Variants in MFSD1 observed in about 807,000 individuals in gnomAD.
MFSD1 encodes lysosomal dipeptide transporter MFSD1.
A neutral mutation model predicts 67.1 loss-of-function variants in MFSD1; 59 were observed. The observed-to-expected ratio is 0.88, with a 90% CI of 0.71 to 1.09. The LOEUF (loss-of-function observed/expected upper bound fraction) is 1.09, where lower values mean the gene tolerates loss of function less well. Ranked by LOEUF, MFSD1 falls within the 50% of genes least tolerant of loss-of-function variation. The pLI is 0.00. For missense variants in MFSD1, 552 were observed against 566.1 expected (o/e 0.97, Z 0.25); for synonymous variants, 213 against 200.3 (o/e 1.06, Z -0.54).
chr3:158,829,555 A>G lies in MFSD1; in HGVS notation c.*573A>G, dbSNP rs1489925500. 3 of 152,166 alleles carry G rather than the reference A, an allele frequency of 2.0e-5. No homozygotes were observed. Among genetic ancestry groups the G allele is most frequent in the Non-Finnish European group, 4.4e-5 (3 of 68,020 alleles). The allele number at this position is 152,166 out of a possible 1,614,324, so 9.4% of individuals were successfully genotyped here. On this transcript the variant is annotated 3_prime_UTR_variant, in exon 16 of 16. Coordinates refer to ENST00000415822, the MANE Select transcript of MFSD1 (RefSeq NM_022736.4). ...GATTGCCGAGCAATGACCCTTTTCA[A>G]TTTCTTATTTCTGTGTTACTGAGGA...
intron 6 of MFSD1, among the ~76,000 whole-genome samples, chr3:158,812,660 T>C (rs1331748097): frequency 6.6e-6 from 1 of 152,216 alleles, no homozygotes; most frequent in Non-Finnish European, 1.5e-5. Flanking sequence ...TGCTTTTGCC[T>C]TGTGGTCTGT....
intron 11 of MFSD1, chr3:158,823,153 C>T: frequency 2.7e-6 from 1 of 367,876 alleles, no homozygotes; most frequent in Non-Finnish European, 5.1e-6. Flanking sequence ...TTACTTGGTC[C>T]TTGACTGCAT....
At chr3:158,804,296 A>T (rs549347591) in intron 1 of MFSD1, 23 bp from the exon 2 acceptor site, 2 of 1,579,116 alleles carry the variant, frequency 1.3e-6, no homozygotes, top group Middle Eastern at 1.7e-4. Context: ...ATTATTACTT[A>T]TAAAGTATTT....
chr3:158,812,183 C>G (rs1730056415), intron 6 of MFSD1, among the ~76,000 whole-genome samples: 2 of 152,120 alleles, frequency 1.3e-5, no homozygotes, highest in Non-Finnish European at 2.9e-5. Context: ...TAAACACAAT[C>G]AAACTCAAAA....
intron 7 of MFSD1, among the ~76,000 whole-genome samples, chr3:158,816,286 C>G (rs1730339481): frequency 6.6e-6 from 1 of 152,164 alleles, no homozygotes; most frequent in South Asian, 2.1e-4. Flanking sequence ...TAAAAGTGTT[C>G]CTATTTCTCC....
chr3:158,806,542 A>T (rs1448801454), intron 3 of MFSD1, among the ~76,000 whole-genome samples: 1 of 152,152 alleles, frequency 6.6e-6, no homozygotes, highest in African/African-American at 2.4e-5. Flanking sequence ...TGATGTCCAG[A>T]TTGTAGGATG....
chr3:158,813,392 C>A (rs532093377), intron 6 of MFSD1, among the ~76,000 whole-genome samples: 1 of 152,222 alleles, frequency 6.6e-6, no homozygotes, highest in African/African-American at 2.4e-5. Flanking sequence ...GTGATCCACC[C>A]ATCTCGGCCT....
chr3:158,802,381 C>A (rs779152785), intron 1 of MFSD1, 66 bp downstream of exon 1: 161 of 1,585,100 alleles, frequency 1.0e-4, no homozygotes, highest in Non-Finnish European at 1.2e-4. Flanking sequence ...CGAGGTAGAT[C>A]GTCATCGTGG....
Position 158,802,271 on chromosome 3 carries a change from C to G in MFSD1, c.119C>G (p.Ala40Gly). The G allele has an allele frequency of 6.2e-7, 1 of 1,611,364 alleles. No homozygotes were observed. Among genetic ancestry groups the G allele is most frequent in the Non-Finnish European group, 8.5e-7 (1 of 1,178,562 alleles). Residue 40 changes from alanine to glycine, a missense_variant, in exon 1 of 16, where the codon GCG becomes GGG. By Grantham distance (60) the Ala-to-Gly change is moderately conservative. Transcript: ENST00000415822. ...GCCCTCTGCGACCCCAGTCGCCTGG[C>G]GCACCGGCTTTTGGTGCTGTTACTG... ...LPALCDPSRL[A>G]HRLLVLLLMC...
rs554862371 is a variant in MFSD1 at position 158,829,165 on chromosome 3, T to A, written c.*183T>A. On this transcript the variant is annotated 3_prime_UTR_variant, in exon 16 of 16. Transcript: ENST00000415822. ...CCTGTTTTAGCCTGTGTCTTTTGTA[T>A]TGTGTGTTGCTAAAGAATTCTACTT... 2 of 428,740 alleles carry A rather than the reference T, an allele frequency of 4.7e-6. No individual in the cohort carries two copies. Among genetic ancestry groups the A allele is most frequent in the Non-Finnish European group, 8.0e-6 (2 of 250,146 alleles). The allele number at this position is 428,740 out of a possible 1,614,324, so 26.6% of individuals were successfully genotyped here. A position where few individuals can be genotyped will look rare whatever the true frequency, so the allele number is the denominator to read the frequency against.
At chr3:158,807,525 G>A in intron 5 of MFSD1, 62 bp downstream of exon 5, 3 of 1,369,654 alleles carry the variant, frequency 2.2e-6, no homozygotes, top group South Asian at 2.4e-5. Flanking sequence ...ATCTATGAAA[G>A]ATCTTTAAAA....
intron 7 of MFSD1, among the ~76,000 whole-genome samples, chr3:158,815,037 A>G (rs922779728): frequency 6.6e-6 from 1 of 152,176 alleles, no homozygotes; most frequent in African/African-American, 2.4e-5. Context: ...AACTGAGATC[A>G]CGCCGTTGCA....
chr3:158,825,597 G>T (rs1017264524), intron 13 of MFSD1, among the ~76,000 whole-genome samples: 8 of 152,124 alleles, frequency 5.3e-5, no homozygotes, highest in African/African-American at 1.9e-4. Flanking sequence ...TTGTAAAATG[G>T]ACATGGCATT....
chr3:158,827,911 A>T (rs79569370), intron 15 of MFSD1, among the ~76,000 whole-genome samples: 2 of 90,432 alleles, frequency 2.2e-5, no homozygotes, highest in Non-Finnish European at 4.1e-5. Context: ...AGAGAGAGAG[A>T]GGGGGAGAGA....
At position 158,814,112 on chromosome 3, in the gene MFSD1, G is replaced by A. The variant is rs766222712; in HGVS notation, c.652+45G>A. 2.8e-6 allele frequency: 4 copies of A among 1,445,452 alleles called. No individual in the cohort carries two copies. In the East Asian group the frequency reaches 9.1e-5, roughly 33 times the overall value. The allele number at this position is 1,445,452 out of a possible 1,614,324, so 89.5% of individuals were successfully genotyped here. A position where few individuals can be genotyped will look rare whatever the true frequency, so the allele number is the denominator to read the frequency against. On this transcript the variant is annotated intron_variant, in intron 7 of 15. Transcript: ENST00000415822. ...CACATCTCTCCTCTTCTGAAGGCTT[G>A]TCATAGGAAGTATCATAGCAGGGAG...
chr3:158,818,232 A>G (rs1001398083), intron 7 of MFSD1, among the ~76,000 whole-genome samples: 5 of 152,164 alleles, frequency 3.3e-5, no homozygotes, highest in African/African-American at 1.2e-4. Flanking sequence ...TTTTAAATTG[A>G]CACATAATTA....
chr3:158,820,007 A>G (rs966645944), intron 8 of MFSD1, among the ~76,000 whole-genome samples: 1 of 152,246 alleles, frequency 6.6e-6, no homozygotes, highest in Admixed American at 6.5e-5. Context: ...GGAAAGGTAG[A>G]TGCCAGTCTT....
At chr3:158,815,867 T>C (rs1277265763) in intron 7 of MFSD1, among the ~76,000 whole-genome samples, 1 of 149,230 alleles carries the variant, frequency 6.7e-6, no homozygotes, top group Non-Finnish European at 1.5e-5. Flanking sequence ...AGTGTTCTCA[T>C]TGTTCAATTC....
chr3:158,826,091 T>G, intron 14 of MFSD1, 29 bp downstream of exon 14: 1 of 1,597,044 alleles, frequency 6.3e-7, no homozygotes, highest in Non-Finnish European at 8.6e-7. Context: ...ATTTGCTTCT[T>G]AAACCGCAGT....
Sources: allele counts gnomAD v4.1 joint callset (sites outside exome capture counted in the v4.1 genomes callset), GRCh38; gene constraint gnomAD v4.1.1; transcripts MANE v1.5; gene names NCBI Gene and HGNC (gene_info 2026-07-23, HGNC 2026-07-21).